The following CDH18 variants were observed in gnomAD, a reference collection of about 807,000 sequenced individuals.
CDH18 encodes the protein cadherin-18.
A neutral mutation model predicts 67.9 loss-of-function variants in CDH18; 31 were observed. The observed-to-expected ratio is 0.46, with a 90% CI of 0.34 to 0.62. The LOEUF (loss-of-function observed/expected upper bound fraction) is 0.62. Among genes scored for constraint, CDH18 ranks in the 20% least tolerant of loss-of-function variants. The pLI, the probability that CDH18 is intolerant of heterozygous loss-of-function variation, is 0.01. For synonymous variants in CDH18, 362 were observed against 347.2 expected, an observed-to-expected ratio of 1.04 and a Z score of -0.48; for missense variants, 890 against 975.5, an observed-to-expected ratio of 0.91 and a Z score of 1.17.
chr5:19,566,943 T>G (rs1740512619), intron 8 of CDH18, among the ~76,000 whole-genome samples: 1 of 152,178 alleles, frequency 6.6e-6, no homozygotes, highest in African/African-American at 2.4e-5. Context: ...TAGATAGAAC[T>G]GCAGGACATT....
At chr5:20,279,724 A>AAAAAAAAAAAAAAAAAAAAAAAC (rs1746090978) in intron 1 of CDH18, among the ~76,000 whole-genome samples, 1 of 149,312 alleles carries the variant, frequency 6.7e-6, no homozygotes. Context: ...AAAAAAAAAA[A>AAAAAAAAAAAAAAAAAAAAAAAC]AAAAGCAAAA....
chr5:20,523,428 T>C (rs1755867500), intron 1 of CDH18, among the ~76,000 whole-genome samples: 2 of 152,332 alleles, frequency 1.3e-5, no homozygotes, highest in South Asian at 4.1e-4. Context: ...TTCTTTATAT[T>C]ACAATTATGA....
intron 2 of CDH18, among the ~76,000 whole-genome samples, chr5:20,071,651 G>A (rs755616147): frequency 6.6e-6 from 1 of 151,984 alleles, no homozygotes; most frequent in Non-Finnish European, 1.5e-5. Flanking sequence ...GCTATTGATA[G>A]TTATTAAACA....
intron 2 of CDH18, among the ~76,000 whole-genome samples, chr5:20,106,013 T>G (rs2150583751): frequency 6.6e-6 from 1 of 152,346 alleles, no homozygotes; most frequent in South Asian, 2.1e-4. Flanking sequence ...CCCCCTTTTT[T>G]TCTGTTCTAT....
chr5:20,254,956 G>A (rs770082901), intron 2 of CDH18, among the ~76,000 whole-genome samples: 7 of 152,000 alleles, frequency 4.6e-5, no homozygotes, highest in East Asian at 1.9e-4. Context: ...ATAAAATCAC[G>A]TCTTCTGCAG....
chr5:19,642,275 T>C (rs2150229325), intron 5 of CDH18, among the ~76,000 whole-genome samples: 1 of 152,020 alleles, frequency 6.6e-6, no homozygotes, highest in East Asian at 1.9e-4. Flanking sequence ...ACAGATTCAA[T>C]GTAATCCCCA....
chr5:19,591,022 A>G, intron 7 of CDH18, 35 bp downstream of exon 7: 1 of 1,356,514 alleles, frequency 7.4e-7, no homozygotes, highest in Admixed American at 2.1e-5. Context: ...AAGATGAGTG[A>G]GTTGCCTGAA....
At chr5:19,934,434 T>C (rs1794024825) in intron 2 of CDH18, among the ~76,000 whole-genome samples, 1 of 151,336 alleles carries the variant, frequency 6.6e-6, no homozygotes, top group Non-Finnish European at 1.5e-5. Context: ...ATGTTTCTGT[T>C]ATATTTATGC....
At chr5:20,065,942 A>T (rs1290342931) in intron 2 of CDH18, among the ~76,000 whole-genome samples, 1 of 152,028 alleles carries the variant, frequency 6.6e-6, no homozygotes, top group Non-Finnish European at 1.5e-5. Context: ...AATATATCTA[A>T]ATAACTACGA....
At position 20,132,461 on chromosome 5, in the gene CDH18, C is replaced by A. The variant is rs369629476; in HGVS notation, c.-518+122983G>T. ...AATACAAATGCACTACTATTAACTACAGTCTATAATTCTATTCAAATTTTG... is the reference window on the plus strand; with the variant it reads ...AATACAAATGCACTACTATTAACTAAAGTCTATAATTCTATTCAAATTTTG... On this transcript the variant is annotated intron_variant, in intron 2 of 14. Transcript: ENST00000507958. 7.2e-5 allele frequency among the ~76,000 whole-genome samples: 11 copies of A among 152,092 alleles called. No individual in the cohort carries two copies. The East Asian group carries it at 9.7e-4, about 13-fold the overall frequency.
chr5:20,490,703 C>T (rs960897013), intron 1 of CDH18, among the ~76,000 whole-genome samples: 2 of 152,102 alleles, frequency 1.3e-5, no homozygotes, highest in South Asian at 2.1e-4. Flanking sequence ...GTTCTGAATA[C>T]GCAGTTCAGT....
intron 1 of CDH18, among the ~76,000 whole-genome samples, chr5:20,406,882 A>T (rs1746315967): frequency 6.6e-6 from 1 of 152,194 alleles, no homozygotes; most frequent in Non-Finnish European, 1.5e-5. Context: ...TAGCCACATT[A>T]AAACTGGTAG....
At chr5:19,873,677 T>G (rs1027451000) in intron 2 of CDH18, among the ~76,000 whole-genome samples, 3 of 152,170 alleles carry the variant, frequency 2.0e-5, no homozygotes, top group Admixed American at 6.5e-5. Flanking sequence ...AGACAGAGTC[T>G]TGCTTTGTCG....
chr5:20,315,029 A>G (rs1265139208), intron 1 of CDH18, among the ~76,000 whole-genome samples: 2 of 152,136 alleles, frequency 1.3e-5, no homozygotes. Flanking sequence ...TCAAGAATAG[A>G]GTTTTATAAA....
chr5:19,829,936 G>C lies in CDH18; in HGVS notation c.228+8823C>G, dbSNP rs1780831469. On this transcript the variant is annotated intron_variant, in intron 3 of 12. Transcript: ENST00000382275. The stretch of plus-strand genomic sequence containing the variant: ...CAAAGTCGACAAAAAACAAGCAATG[G>C]GGAAAAGGCTCGCTATTCAATAAAT... 2.6e-5 allele frequency among the ~76,000 whole-genome samples: 4 copies of C among 152,078 alleles called. No homozygotes were observed. The South Asian group carries it at 8.3e-4, about 32-fold the overall frequency.
chr5:20,116,970 T>C (rs2126386936), intron 2 of CDH18, among the ~76,000 whole-genome samples: 1 of 152,192 alleles, frequency 6.6e-6, no homozygotes, highest in South Asian at 2.1e-4. Flanking sequence ...TACCCATGCC[T>C]AGATTTTACT....
intron 2 of CDH18, among the ~76,000 whole-genome samples, chr5:20,198,910 C>A (rs1012131299): frequency 1.3e-5 from 2 of 152,228 alleles, no homozygotes; most frequent in Non-Finnish European, 2.9e-5. Context: ...GCTTTGACAG[C>A]TTCCACATGG....
chr5:20,303,565 C>G (rs1736127219), intron 1 of CDH18, among the ~76,000 whole-genome samples: 1 of 152,128 alleles, frequency 6.6e-6, no homozygotes, highest in Non-Finnish European at 1.5e-5. Flanking sequence ...GTCACAGCGT[C>G]GCAGCCCGGT....
At chr5:19,862,094 A>T (rs1017762970) in intron 2 of CDH18, among the ~76,000 whole-genome samples, 4 of 152,216 alleles carry the variant, frequency 2.6e-5, no homozygotes, top group Non-Finnish European at 5.9e-5. Flanking sequence ...GTAGCCCAAC[A>T]GAGCAATGAA....
Sources: gnomAD v4.1 joint callset for allele counts (sites outside exome capture counted in the v4.1 genomes callset) on GRCh38, gnomAD v4.1.1 for gene constraint, MANE v1.5 for transcripts, NCBI Gene and HGNC (gene_info 2026-07-23, HGNC 2026-07-21) for gene names.